MAGI2: variants seen among roughly 807,000 people sequenced by gnomAD.
MAGI2 encodes membrane-associated guanylate kinase, WW and PDZ domain-containing protein 2.
In MAGI2, 35 loss-of-function variants were observed where a neutral mutation model predicts 133.3. The ratio of observed to expected loss-of-function variants is 0.26; its 90% CI spans 0.20 to 0.35. MAGI2 has a LOEUF of 0.35. Ranked by LOEUF, MAGI2 falls within the 10% of genes least tolerant of loss-of-function variation. MAGI2 has a pLI of 1.00. For missense variants in MAGI2, 1,636 were observed against 1,863.4 expected, an observed-to-expected ratio of 0.88 and a Z score of 2.25; for synonymous variants, 729 against 710.6, an observed-to-expected ratio of 1.03 and a Z score of -0.41.
intron 1 of MAGI2, among the ~76,000 whole-genome samples, chr7:79,031,305 C>T (rs1192393467): frequency 2.0e-5 from 3 of 148,754 alleles, no homozygotes; most frequent in Non-Finnish European, 4.4e-5. Context: ...TGTCATCATC[C>T]CCTACAATGC....
chr7:78,853,325 A>G (rs1316504883), intron 2 of MAGI2, among the ~76,000 whole-genome samples: 2 of 84,708 alleles, frequency 2.4e-5, no homozygotes, highest in Non-Finnish European at 4.7e-5. Flanking sequence ...ACTCTTGTCC[A>G]TTCGTTCTTT....
chr7:79,168,812 A>G (rs11976109), intron 1 of MAGI2, among the ~76,000 whole-genome samples: 8,522 of 150,870 alleles, frequency 0.056, 503 homozygotes, highest in East Asian at 0.15. Flanking sequence ...CCTAAGTCAG[A>G]TGGACCCTCT....
chr7:78,983,873 C>G (rs978493819), intron 2 of MAGI2, among the ~76,000 whole-genome samples: 3 of 151,798 alleles, frequency 2.0e-5, no homozygotes, highest in African/African-American at 7.3e-5. Context: ...TATCTATTTC[C>G]CTGGTTTTAC....
chr7:78,213,062 T>C (rs903936569), intron 10 of MAGI2, among the ~76,000 whole-genome samples: 1 of 152,234 alleles, frequency 6.6e-6, no homozygotes, highest in Non-Finnish European at 1.5e-5. Context: ...CCTTTCATTT[T>C]CCTCCCAGAA....
intron 3 of MAGI2, among the ~76,000 whole-genome samples, chr7:78,596,360 C>G (rs772556305): frequency 6.6e-5 from 10 of 152,094 alleles, no homozygotes; most frequent in Non-Finnish European, 1.3e-4. Flanking sequence ...GACTGTCAAC[C>G]CAGTGGTAGA....
intron 1 of MAGI2, among the ~76,000 whole-genome samples, chr7:79,426,867 C>G (rs1481772927): frequency 6.6e-6 from 1 of 152,100 alleles, no homozygotes; most frequent in Non-Finnish European, 1.5e-5. Context: ...ACCTTTGCCC[C>G]TATTCAAATG....
intron 1 of MAGI2, among the ~76,000 whole-genome samples, chr7:79,400,289 GT>G (rs1236536570): frequency 1.3e-5 from 2 of 151,900 alleles, no homozygotes; most frequent in Non-Finnish European, 2.9e-5. Flanking sequence ...ACTTTATAAG[GT>G]ATACATACAC....
At chr7:78,460,123 A>G (rs1789805281) in intron 6 of MAGI2, among the ~76,000 whole-genome samples, 1 of 152,364 alleles carries the variant, frequency 6.6e-6, no homozygotes, top group South Asian at 2.1e-4. Context: ...GTGATATGGC[A>G]TCATGTGATC....
intron 1 of MAGI2, among the ~76,000 whole-genome samples, chr7:79,320,577 T>C (rs1435321054): frequency 2.6e-5 from 4 of 152,178 alleles, no homozygotes; most frequent in African/African-American, 9.6e-5. Flanking sequence ...GAAACTTCAA[T>C]AATCAATGAT....
At chr7:78,590,160 A>T (rs563585396) in intron 3 of MAGI2, among the ~76,000 whole-genome samples, 1 of 152,318 alleles carries the variant, frequency 6.6e-6, no homozygotes, top group South Asian at 2.1e-4. Flanking sequence ...GTGTTCCTAA[A>T]TTTATTACCT....
chr7:79,418,830 TAC>T (rs57172659), intron 1 of MAGI2, among the ~76,000 whole-genome samples: 5,094 of 137,778 alleles, frequency 0.037, 100 homozygotes, highest in Middle Eastern at 0.098. Context: ...CCAATACACA[TAC>T]ACACACACAC....
chr7:78,497,196 TAC>T (rs1220586186), intron 5 of MAGI2, among the ~76,000 whole-genome samples: 1 of 152,202 alleles, frequency 6.6e-6, no homozygotes, highest in Non-Finnish European at 1.5e-5. Context: ...TTACTGGTTT[TAC>T]ACAGTATTAT....
In MAGI2 at chr7:78,435,064, C is replaced by T. The variant is rs187933143; in HGVS notation, c.1045+54697G>A. Among the ~76,000 whole-genome samples, 385 of 152,218 alleles carry T rather than the reference C, an allele frequency of 2.5e-3. 3 individuals are homozygous for T. The highest frequency in any genetic ancestry group is 4.7e-3 in the Non-Finnish European group (321 of 68,026). On this transcript the variant is annotated intron_variant, in intron 6 of 21. Transcript: ENST00000354212. ...GCCTTGGGTTTTCATCCCAGGTCTGCCACTTTGCCACCTGTGTCATCTTGG... is the reference window on the plus strand; with the variant it reads ...GCCTTGGGTTTTCATCCCAGGTCTGTCACTTTGCCACCTGTGTCATCTTGG...
chr7:78,875,137 C>T (rs961589547), intron 2 of MAGI2, among the ~76,000 whole-genome samples: 2 of 152,034 alleles, frequency 1.3e-5, no homozygotes, highest in African/African-American at 4.8e-5. Flanking sequence ...GGCTGTTCAA[C>T]AAGTGACAGA....
At chr7:79,365,188 A>G (rs947820550) in intron 1 of MAGI2, among the ~76,000 whole-genome samples, 4 of 152,248 alleles carry the variant, frequency 2.6e-5, no homozygotes, top group Admixed American at 1.3e-4. Context: ...ACAATGAGCT[A>G]TCACTATATA....
At chr7:78,314,222 T>G (rs916720896) in intron 9 of MAGI2, among the ~76,000 whole-genome samples, 22 of 152,146 alleles carry the variant, frequency 1.4e-4, no homozygotes, top group Non-Finnish European at 2.6e-4. Flanking sequence ...ATATACTATT[T>G]TGTTTGATAG....
intron 3 of MAGI2, among the ~76,000 whole-genome samples, chr7:78,605,925 G>C (rs181746193): frequency 2.1e-3 from 319 of 152,270 alleles, no homozygotes; most frequent in African/African-American, 7.2e-3. Context: ...CCAGCATCAA[G>C]AGAGAAAGAC....
intron 4 of MAGI2, among the ~76,000 whole-genome samples, chr7:78,509,931 A>C (rs1299584272): frequency 6.6e-6 from 1 of 152,214 alleles, no homozygotes; most frequent in African/African-American, 2.4e-5. Flanking sequence ...ACTGTCATAA[A>C]GTTTGAATTT....
chr7:78,817,185 G>A (rs1194924491), intron 2 of MAGI2, among the ~76,000 whole-genome samples: 1 of 152,204 alleles, frequency 6.6e-6, no homozygotes, highest in Non-Finnish European at 1.5e-5. Context: ...GCCTGATGAT[G>A]TGAGTGAATT....
Sources: allele counts gnomAD v4.1 joint callset (sites outside exome capture counted in the v4.1 genomes callset), GRCh38; gene constraint gnomAD v4.1.1; transcripts MANE v1.5; gene names NCBI Gene and HGNC (gene_info 2026-07-23, HGNC 2026-07-21).